GLIS3: variants seen among roughly 807,000 people sequenced by gnomAD.
The protein encoded by GLIS3 is zinc finger protein GLIS3.
A neutral mutation model predicts 78.6 loss-of-function variants in GLIS3; 53 were observed. That is an observed-to-expected ratio of 0.67 (90% CI 0.54 to 0.85). The LOEUF (loss-of-function observed/expected upper bound fraction) is 0.85, where lower values mean the gene tolerates loss of function less well. Among genes scored for constraint, GLIS3 ranks in the 40% least tolerant of loss-of-function variants. The probability of loss-of-function intolerance (pLI) is 0.00; values close to 1 mark genes in which losing one functional copy is unlikely to be tolerated. For missense variants in GLIS3, 1,703 were observed against 1,231.1 expected (o/e 1.38, Z -5.74); for synonymous variants, 684 against 509.9 (o/e 1.34, Z -4.60).
At chr9:4,012,242 C>T (rs73388259) in intron 4 of GLIS3, among the ~76,000 whole-genome samples, 2,844 of 152,178 alleles carry the variant, frequency 0.019, 94 homozygotes, top group African/African-American at 0.066. Flanking sequence ...ACAGCAGGCA[C>T]CAAAATGCCT....
chr9:4,269,559 C>T (rs948082752), intron 2 of GLIS3, among the ~76,000 whole-genome samples: 3 of 152,128 alleles, frequency 2.0e-5, no homozygotes, highest in African/African-American at 4.8e-5. Context: ...CAGAATTTTA[C>T]CTGATTTCAT....
chr9:4,159,594 C>T (rs1835317055), intron 2 of GLIS3, among the ~76,000 whole-genome samples: 1 of 152,228 alleles, frequency 6.6e-6, no homozygotes, highest in South Asian at 2.1e-4. Context: ...TGGCACATGC[C>T]TGTAATTCCA....
chr9:4,325,486 A>G (rs534797713), intron 2 of GLIS3, among the ~76,000 whole-genome samples: 1 of 152,294 alleles, frequency 6.6e-6, no homozygotes, highest in African/African-American at 2.4e-5. Flanking sequence ...CACTAAGCCC[A>G]CTTCCCTCAA....
At chr9:3,949,570 T>G (rs1156963959) in intron 4 of GLIS3, among the ~76,000 whole-genome samples, 1 of 152,174 alleles carries the variant, frequency 6.6e-6, no homozygotes, top group Non-Finnish European at 1.5e-5. Context: ...TAATACAAAT[T>G]TACCAACAGT....
At chr9:4,072,475 A>G (rs1374235198) in intron 4 of GLIS3, among the ~76,000 whole-genome samples, 1 of 152,196 alleles carries the variant, frequency 6.6e-6, no homozygotes, top group Non-Finnish European at 1.5e-5. Context: ...TATGCATAAC[A>G]CTTGGACAGT....
chr9:3,991,808 A>C (rs1373599849), intron 4 of GLIS3, among the ~76,000 whole-genome samples: 2 of 149,728 alleles, frequency 1.3e-5, no homozygotes, highest in African/African-American at 4.9e-5. Context: ...CTCCTGCCTC[A>C]GCCTCCCGAG....
At chr9:4,108,461 T>G (rs1830945925) in intron 4 of GLIS3, among the ~76,000 whole-genome samples, 1 of 152,200 alleles carries the variant, frequency 6.6e-6, no homozygotes, top group Non-Finnish European at 1.5e-5. Flanking sequence ...AAGACAGATT[T>G]CTATTTCAGA....
intron 4 of GLIS3, among the ~76,000 whole-genome samples, chr9:4,109,029 G>C (rs553903190): frequency 3.3e-5 from 5 of 152,128 alleles, no homozygotes; most frequent in African/African-American, 1.2e-4. Flanking sequence ...ATGGTGTTCA[G>C]GACTGAGTCA....
At chr9:3,871,843 T>C (rs535571334) in intron 8 of GLIS3, among the ~76,000 whole-genome samples, 3 of 152,360 alleles carry the variant, frequency 2.0e-5, no homozygotes, top group African/African-American at 7.2e-5. Context: ...TCGTTACTTA[T>C]GCAAATTTAT....
At chr9:4,026,002 G>C (rs1322365880) in intron 4 of GLIS3, among the ~76,000 whole-genome samples, 2 of 152,202 alleles carry the variant, frequency 1.3e-5, no homozygotes, top group Non-Finnish European at 1.5e-5. Flanking sequence ...TAGAAGTCAT[G>C]ATAGGGAAGA....
At position 3,882,219 on chromosome 9, in the gene GLIS3, T is replaced by C. The variant is rs533461771; in HGVS notation, c.2129-2624A>G. Reference sequence around the variant, plus strand: ...TGAGTAAACAAAGATGAACAAGATATAAATGCCCATGGAATCTCGGGGCTC... The same window carrying C: ...TGAGTAAACAAAGATGAACAAGATACAAATGCCCATGGAATCTCGGGGCTC... On this transcript the variant is annotated intron_variant, in intron 7 of 10. Coordinates refer to ENST00000381971, the MANE Select transcript of GLIS3 (RefSeq NM_001042413.2). Among the ~76,000 whole-genome samples, 26 of 152,142 alleles carry C rather than the reference T, an allele frequency of 1.7e-4. No homozygotes were observed. The South Asian group carries it at 5.0e-3, about 29-fold the overall frequency.
chr9:4,112,231 A>G (rs1314627669), intron 4 of GLIS3, among the ~76,000 whole-genome samples: 1 of 152,194 alleles, frequency 6.6e-6, no homozygotes, highest in Non-Finnish European at 1.5e-5. Flanking sequence ...CACTCAGTTG[A>G]AAGCCTTCTG....
intron 4 of GLIS3, among the ~76,000 whole-genome samples, chr9:3,948,527 A>G (rs1816450668): frequency 6.6e-6 from 1 of 152,144 alleles, no homozygotes; most frequent in Admixed American, 6.5e-5. Context: ...CAGAATTGTA[A>G]CCTCAATCCC....
chr9:4,050,426 A>G (rs1388092488), intron 4 of GLIS3, among the ~76,000 whole-genome samples: 8 of 152,056 alleles, frequency 5.3e-5, no homozygotes, highest in Admixed American at 5.2e-4. Context: ...GGCGGGGAAC[A>G]TCACACACCA....
intron 2 of GLIS3, among the ~76,000 whole-genome samples, chr9:4,330,186 C>A (rs1026953390): frequency 1.3e-5 from 2 of 152,158 alleles, no homozygotes; most frequent in Admixed American, 6.5e-5. Context: ...TTTGTGATGT[C>A]TGGATTTTGC....
At chr9:4,427,831 C>T in the GLIS3 span, among the ~76,000 whole-genome samples, 1 of 151,106 alleles carries the variant, frequency 6.6e-6, no homozygotes, top group African/African-American at 2.4e-5. Context: ...TGCACTCCAG[C>T]CTAGGTGATG....
intron 2 of GLIS3, among the ~76,000 whole-genome samples, chr9:4,215,188 C>T (rs1035562279): frequency 1.3e-5 from 2 of 152,144 alleles, no homozygotes; most frequent in Admixed American, 6.6e-5. Context: ...GATTAATACA[C>T]AGGCAAATAA....
At chr9:4,159,221 T>C (rs181357530) in intron 2 of GLIS3, among the ~76,000 whole-genome samples, 22 of 152,260 alleles carry the variant, frequency 1.4e-4, no homozygotes, top group Admixed American at 9.8e-4. Context: ...GGTTAACAAA[T>C]GCGGGTTGAA....
At chr9:4,244,349 C>T (rs1823599248) in intron 2 of GLIS3, among the ~76,000 whole-genome samples, 1 of 152,204 alleles carries the variant, frequency 6.6e-6, no homozygotes, top group Admixed American at 6.5e-5. Flanking sequence ...TACCAAGAGT[C>T]ATTGTGTTTG....
Sources: allele counts gnomAD v4.1 joint callset (sites outside exome capture counted in the v4.1 genomes callset), GRCh38; gene constraint gnomAD v4.1.1; transcripts MANE v1.5; gene names NCBI Gene and HGNC (gene_info 2026-07-23, HGNC 2026-07-21).